Variants in LOC400499 observed in about 807,000 individuals in gnomAD.
the LOC400499 span, among the ~76,000 whole-genome samples, chr16:11,478,949 A>G: frequency 2.7e-4 from 41 of 152,318 alleles, no homozygotes; most frequent in African/African-American, 9.6e-4. Flanking sequence ...GCTGTCATCC[A>G]TGTAAGACGT....
chr16:11,427,685 A>G, the LOC400499 span, among the ~76,000 whole-genome samples: 2 of 151,960 alleles, frequency 1.3e-5, no homozygotes, highest in African/African-American at 2.4e-5. Context: ...GGCTCAAGCA[A>G]TCTGCCCTCC....
chr16:11,458,998 T>C, the LOC400499 span, among the ~76,000 whole-genome samples: 2 of 150,640 alleles, frequency 1.3e-5, no homozygotes, highest in African/African-American at 4.9e-5. Flanking sequence ...GATCATACCA[T>C]TGCACTCCAG....
chr16:11,458,846 C>T, the LOC400499 span, among the ~76,000 whole-genome samples: 1 of 151,824 alleles, frequency 6.6e-6, no homozygotes, highest in Non-Finnish European at 1.5e-5. Context: ...ACCAGCCTGG[C>T]CAACATGGAG....
At chr16:11,477,568 C>A in the LOC400499 span, among the ~76,000 whole-genome samples, 5 of 152,226 alleles carry the variant, frequency 3.3e-5, no homozygotes, top group African/African-American at 1.2e-4. Context: ...GATGGAAGGG[C>A]ATAGGGTTGT....
At chr16:11,413,005 C>T in the LOC400499 span, 1 of 399,018 alleles carries the variant, frequency 2.5e-6, no homozygotes, top group Non-Finnish European at 4.4e-6. Context: ...CCTGAGGAGC[C>T]TCACAGGCTG....
At chr16:11,508,912 G>C in the LOC400499 span, 42 of 398,646 alleles carry the variant, frequency 1.1e-4, no homozygotes, top group African/African-American at 7.2e-4. Context: ...GAGTGAGCTA[G>C]AAAGCCCTCT....
chr16:11,400,350 G>A, the LOC400499 span, among the ~76,000 whole-genome samples: 1 of 152,030 alleles, frequency 6.6e-6, no homozygotes, highest in Non-Finnish European at 1.5e-5. Context: ...TTCCCATCCC[G>A]GGGCCGCCTC....
the LOC400499 span, among the ~76,000 whole-genome samples, chr16:11,407,515 G>A: frequency 6.6e-6 from 1 of 152,252 alleles, no homozygotes; most frequent in Non-Finnish European, 1.5e-5. Flanking sequence ...AGGGTTTGGA[G>A]CCTCAGGTTA....
the LOC400499 span, among the ~76,000 whole-genome samples, chr16:11,505,310 A>T: frequency 0.066 from 9,977 of 152,100 alleles, 893 homozygotes; most frequent in African/African-American, 0.2. Context: ...ACACAGTTAC[A>T]ATAAACATGA....
At chr16:11,375,728 G>T in the LOC400499 span, among the ~76,000 whole-genome samples, 5 of 110,316 alleles carry the variant, frequency 4.5e-5, no homozygotes, top group Non-Finnish European at 8.2e-5. Flanking sequence ...CAAGTCCTTT[G>T]TACATTTTTT....
At chr16:11,384,940 G>A in the LOC400499 span, 9 of 1,232,206 alleles carry the variant, frequency 7.3e-6, no homozygotes, top group Non-Finnish European at 9.1e-6. Context: ...GCACGTCACA[G>A]GAGACAGACA....
chr16:11,435,683 G>A, the LOC400499 span: 22 of 399,120 alleles, frequency 5.5e-5, no homozygotes, highest in Admixed American at 7.9e-4. Flanking sequence ...GATCTTTGCA[G>A]ACAGCTGCAG....
the LOC400499 span, chr16:11,446,446 C>T: frequency 5.5e-6 from 6 of 1,083,418 alleles, no homozygotes; most frequent in Non-Finnish European, 8.0e-6. Context: ...GTGTGAGCCA[C>T]TGCACTCAGT....
At chr16:11,502,729 C>G in the LOC400499 span, among the ~76,000 whole-genome samples, 1 of 151,838 alleles carries the variant, frequency 6.6e-6, no homozygotes, top group African/African-American at 2.4e-5. Context: ...ATTCTCCCGC[C>G]TCAGCCTCCT....
chr16:11,447,716 A>C, the LOC400499 span, among the ~76,000 whole-genome samples: 1 of 152,040 alleles, frequency 6.6e-6, no homozygotes, highest in African/African-American at 2.4e-5. Context: ...TGAGACTCTT[A>C]ACTCTGCTCC....
At chr16:11,457,925 G>A in the LOC400499 span, among the ~76,000 whole-genome samples, 1 of 152,212 alleles carries the variant, frequency 6.6e-6, no homozygotes, top group Non-Finnish European at 1.5e-5. Context: ...GGACAGGACA[G>A]GCACGGTGGC....
At chr16:11,518,517 A>G in the LOC400499 span, among the ~76,000 whole-genome samples, 2 of 152,062 alleles carry the variant, frequency 1.3e-5, no homozygotes, top group East Asian at 3.9e-4. Flanking sequence ...GTCTTCCAGA[A>G]CACACTCAAC....
chr16:11,443,330 C>CAAAAA, the LOC400499 span: 144 of 260,892 alleles, frequency 5.5e-4, no homozygotes, highest in East Asian at 7.5e-4. Flanking sequence ...TCCTCAGTCT[C>CAAAAA]AAAAAAAAAA....
At chr16:11,394,215 T>G in the LOC400499 span, among the ~76,000 whole-genome samples, 1 of 152,206 alleles carries the variant, frequency 6.6e-6, no homozygotes, top group Non-Finnish European at 1.5e-5. Context: ...CCCCAGGCAC[T>G]GGGCAGCTTA....
Sources: allele counts gnomAD v4.1 joint callset (sites outside exome capture counted in the v4.1 genomes callset), GRCh38; gene constraint gnomAD v4.1.1; transcripts MANE v1.5.